SDK1: variants seen among roughly 807,000 people sequenced by gnomAD.
SDK1 encodes the protein sidekick cell adhesion molecule 1, also known as protein sidekick-1.
A neutral mutation model predicts 245.5 loss-of-function variants in SDK1; 157 were observed. The ratio of observed to expected loss-of-function variants is 0.64; its 90% CI spans 0.56 to 0.73. The LOEUF is 0.73. Among genes scored for constraint, SDK1 ranks in the 30% least tolerant of loss-of-function variants. SDK1 has a pLI of 0.00. For synonymous variants in SDK1, 1,647 were observed against 1,278.5 expected (o/e 1.29, Z -6.15); for missense variants, 3,583 against 3,002.3 (o/e 1.19, Z -4.52).
At chr7:4,248,616 A>C (rs1346271034) in intron 44 of SDK1, among the ~76,000 whole-genome samples, 2 of 152,016 alleles carry the variant, frequency 1.3e-5, no homozygotes, top group Admixed American at 6.5e-5. Context: ...AAACATGCAC[A>C]TACCTAAATA....
intron 2 of SDK1, among the ~76,000 whole-genome samples, chr7:3,631,275 C>G (rs995761540): frequency 1.3e-5 from 2 of 152,114 alleles, no homozygotes; most frequent in African/African-American, 2.4e-5. Context: ...CTATTGAGCT[C>G]TCTCTGTACT....
chr7:3,558,954 A>G (rs556824959), intron 1 of SDK1, among the ~76,000 whole-genome samples: 1 of 152,258 alleles, frequency 6.6e-6, no homozygotes, highest in South Asian at 2.1e-4. Flanking sequence ...ACTCAAGACT[A>G]CTTAGATTGT....
chr7:3,910,653 T>G (rs1421556325), intron 5 of SDK1, among the ~76,000 whole-genome samples: 1 of 152,128 alleles, frequency 6.6e-6, no homozygotes, highest in African/African-American at 2.4e-5. Context: ...CTCCGGTGAT[T>G]GACAGGTGTA....
chr7:4,093,914 C>A lies in SDK1; in HGVS notation c.3324+14330C>A, dbSNP rs138736483. 7.5e-4 allele frequency among the ~76,000 whole-genome samples: 114 copies of A among 152,238 alleles called. 1 individual carries two copies. The highest frequency in any genetic ancestry group is 2.7e-3 in the African/African-American group (111 of 41,554). On this transcript the variant is annotated intron_variant, in intron 22 of 44. Transcript: ENST00000404826. ...CACGTCCTTGGTCCAAAGCCTCTTG[C>A]GATACACCTCTCCCAGAGGTGAATC...
intron 5 of SDK1, among the ~76,000 whole-genome samples, chr7:3,884,939 C>A (rs911661406): frequency 6.6e-6 from 1 of 152,176 alleles, no homozygotes; most frequent in Non-Finnish European, 1.5e-5. Context: ...TCGCCATAAG[C>A]GCTGTCACTC....
intron 29 of SDK1, among the ~76,000 whole-genome samples, chr7:4,147,898 C>T (rs1044455348): frequency 2.6e-5 from 4 of 152,190 alleles, no homozygotes; most frequent in East Asian, 1.9e-4. Flanking sequence ...GAGCCAGGCA[C>T]GTGTGCAGGT....
intron 14 of SDK1, among the ~76,000 whole-genome samples, chr7:3,991,361 T>A (rs558050527): frequency 1.2e-4 from 19 of 152,244 alleles, no homozygotes; most frequent in African/African-American, 4.1e-4. Context: ...GCAAGTCCCA[T>A]TACGCCCAGG....
At chr7:3,334,780 C>G (rs996008363) in intron 1 of SDK1, among the ~76,000 whole-genome samples, 4 of 152,152 alleles carry the variant, frequency 2.6e-5, no homozygotes, top group Non-Finnish European at 5.9e-5. Context: ...TAGCTTCAAC[C>G]TTTCCCAGAA....
intron 1 of SDK1, among the ~76,000 whole-genome samples, chr7:3,507,021 G>C (rs7805598): frequency 0.23 from 34,986 of 151,958 alleles, 4,373 homozygotes; most frequent in East Asian, 0.33. Flanking sequence ...TGTCAACTTA[G>C]TCTCTTCAAG....
chr7:4,139,629 A>ATATG (rs1562872349), intron 28 of SDK1, among the ~76,000 whole-genome samples: 4 of 28,212 alleles, frequency 1.4e-4, no homozygotes, highest in Admixed American at 3.6e-4. Flanking sequence ...GTGTGTGTAT[A>ATATG]TGTATATATG....
intron 4 of SDK1, among the ~76,000 whole-genome samples, chr7:3,809,026 G>A (rs1779319776): frequency 6.6e-6 from 1 of 152,140 alleles, no homozygotes; most frequent in African/African-American, 2.4e-5. Flanking sequence ...ATTGTTATAA[G>A]AGAATACCCA....
chr7:3,986,111 C>G (rs1361393584), intron 13 of SDK1, among the ~76,000 whole-genome samples: 1 of 152,044 alleles, frequency 6.6e-6, no homozygotes, highest in Non-Finnish European at 1.5e-5. Flanking sequence ...CCGGGCAGCT[C>G]ATGGTTTTAA....
At chr7:3,842,998 G>A (rs1280174649) in intron 5 of SDK1, among the ~76,000 whole-genome samples, 1 of 152,094 alleles carries the variant, frequency 6.6e-6, no homozygotes. Flanking sequence ...AAAGTGCATT[G>A]AACAACTGCC....
At chr7:4,227,535 T>C in intron 40 of SDK1, 1 of 450,880 alleles carries the variant, frequency 2.2e-6, no homozygotes, top group Non-Finnish European at 4.6e-6. Flanking sequence ...AATGGCAGTA[T>C]TTAAGAAATA....
At chr7:4,165,382 C>A (rs1293264097) in intron 32 of SDK1, among the ~76,000 whole-genome samples, 1 of 149,884 alleles carries the variant, frequency 6.7e-6, no homozygotes, top group Non-Finnish European at 1.5e-5. Context: ...CAAACAAACA[C>A]GGGCTGTAAT....
intron 4 of SDK1, among the ~76,000 whole-genome samples, chr7:3,686,803 A>T (rs1397810444): frequency 2.0e-5 from 3 of 152,146 alleles, no homozygotes; most frequent in Non-Finnish European, 2.9e-5. Context: ...GAAAGCATTT[A>T]GTTAATTTTC....
chr7:4,065,839 G>A (rs897540967), intron 19 of SDK1, among the ~76,000 whole-genome samples: 1 of 151,410 alleles, frequency 6.6e-6, no homozygotes, highest in Non-Finnish European at 1.5e-5. Context: ...GTTTGTGCAA[G>A]TGAGGCTGGC....
At chr7:4,038,148 G>A (rs1303097711) in intron 17 of SDK1, among the ~76,000 whole-genome samples, 1 of 152,174 alleles carries the variant, frequency 6.6e-6, no homozygotes, top group Non-Finnish European at 1.5e-5. Flanking sequence ...CCACAGGAAA[G>A]CCCAGTCCCC....
At chr7:4,117,121 A>C (rs1783764529) in intron 25 of SDK1, among the ~76,000 whole-genome samples, 1 of 152,230 alleles carries the variant, frequency 6.6e-6, no homozygotes, top group Non-Finnish European at 1.5e-5. Flanking sequence ...TTCAGAATTA[A>C]AACTTCTGCC....
Sources: gnomAD v4.1 joint callset for allele counts (sites outside exome capture counted in the v4.1 genomes callset) on GRCh38, gnomAD v4.1.1 for gene constraint, MANE v1.5 for transcripts, NCBI Gene and HGNC (gene_info 2026-07-23, HGNC 2026-07-21) for gene names.